WDR70: variants seen among roughly 807,000 people sequenced by gnomAD.
WDR70 encodes the protein WD repeat domain 70.
In WDR70, 53 loss-of-function variants were observed where a neutral mutation model predicts 88.6. The ratio of observed to expected loss-of-function variants is 0.60; its 90% CI spans 0.48 to 0.75. The LOEUF is 0.75. WDR70 is among the 30% of genes least tolerant of loss of function. The pLI is 0.00. For synonymous variants in WDR70, 280 were observed against 270.0 expected (o/e 1.04, Z -0.36); for missense variants, 610 against 823.2 (o/e 0.74, Z 3.17).
At chr5:37,379,843 G>A (rs938981788) in intron 2 of WDR70, among the ~76,000 whole-genome samples, 1 of 152,166 alleles carries the variant, frequency 6.6e-6, no homozygotes, top group African/African-American at 2.4e-5. Context: ...GCATTTGTAC[G>A]AGGATTTTTA....
At chr5:37,705,365 A>G (rs10473063) in intron 13 of WDR70, among the ~76,000 whole-genome samples, 122,809 of 151,998 alleles carry the variant, frequency 0.81, 50,149 homozygotes, top group East Asian at 0.89. Flanking sequence ...AATAAATAGA[A>G]CATACAATAT....
At chr5:37,488,516 TGTCTAACTGGACTG>T (rs1739964522) in intron 8 of WDR70, among the ~76,000 whole-genome samples, 2 of 151,012 alleles carry the variant, frequency 1.3e-5, no homozygotes. Flanking sequence ...TTTTTTTTTT[TGTCTAACTGGACTG>T]TTTGGAAAGA....
chr5:37,385,781 A>G (rs1446769699), intron 3 of WDR70, among the ~76,000 whole-genome samples: 1 of 151,106 alleles, frequency 6.6e-6, no homozygotes, highest in Non-Finnish European at 1.5e-5. Context: ...GCTCTGTGGC[A>G]GGAACCTGAA....
At position 37,655,090 on chromosome 5, in the gene WDR70, T is replaced by C. The variant is rs190497311; in HGVS notation, c.1093-42565T>C. On this transcript the variant is annotated intron_variant, in intron 10 of 17. Transcript: ENST00000265107. ...GTTTTTGCAGTGGCTGGTACTGGTT[T>C]TTCCTTTCTGTATTTATTCTTCCTT... Among the ~76,000 whole-genome samples, 561 of 152,320 alleles carry C rather than the reference T, an allele frequency of 3.7e-3. 3 individuals are homozygous for C. Among genetic ancestry groups the C allele is most frequent in the South Asian group, 6.2e-3 (30 of 4,826 alleles).
chr5:37,702,925 C>G lies in WDR70; in HGVS notation c.1278-24C>G. 5 of 1,594,732 alleles carry G rather than the reference C, an allele frequency of 3.1e-6. No homozygotes were observed. The South Asian group carries it at 3.3e-5, about 11-fold the overall frequency. On this transcript the variant is annotated intron_variant, in intron 12 of 17. Transcript: ENST00000265107. ...CTGTTGTGGAGGTCATAAGCTTATA[C>G]TCGTAAACTCTTTTTTTCTGTAGGA...
intron 17 of WDR70, among the ~76,000 whole-genome samples, chr5:37,749,584 G>A (rs985054493): frequency 6.6e-5 from 10 of 152,064 alleles, no homozygotes; most frequent in African/African-American, 2.2e-4. Context: ...TTATGCATAC[G>A]TATAATGTGG....
intron 10 of WDR70, among the ~76,000 whole-genome samples, chr5:37,652,671 G>C (rs1745442055): frequency 6.6e-6 from 1 of 152,064 alleles, no homozygotes; most frequent in Non-Finnish European, 1.5e-5. Context: ...TTGTAAGTTG[G>C]ATTCCTAGGT....
intron 5 of WDR70, among the ~76,000 whole-genome samples, chr5:37,397,949 T>C (rs1292185005): frequency 6.7e-6 from 1 of 148,980 alleles, no homozygotes; most frequent in Admixed American, 6.7e-5. Context: ...TGAGCCGAGA[T>C]TGCACCACTG....
At chr5:37,697,052 G>A (rs986029501) in intron 10 of WDR70, among the ~76,000 whole-genome samples, 9 of 152,164 alleles carry the variant, frequency 5.9e-5, no homozygotes, top group African/African-American at 1.4e-4. Flanking sequence ...ATAAAATGGA[G>A]ATGATAATAA....
chr5:37,616,769 G>A (rs1744356163), intron 10 of WDR70, among the ~76,000 whole-genome samples: 1 of 152,190 alleles, frequency 6.6e-6, no homozygotes, highest in Admixed American at 6.5e-5. Flanking sequence ...CTGTGCCCAA[G>A]ATGAGCATGA....
At chr5:37,399,424 A>G (rs991375201) in intron 5 of WDR70, among the ~76,000 whole-genome samples, 4 of 152,212 alleles carry the variant, frequency 2.6e-5, no homozygotes, top group Admixed American at 2.6e-4. Context: ...TGTCTCAAAA[A>G]AAAATTTTTT....
intron 10 of WDR70, among the ~76,000 whole-genome samples, chr5:37,629,691 T>G (rs1012728531): frequency 1.6e-4 from 25 of 152,212 alleles, no homozygotes; most frequent in Non-Finnish European, 1.5e-5. Context: ...TTTCCTGATT[T>G]TGTTGAATTG....
intron 7 of WDR70, among the ~76,000 whole-genome samples, chr5:37,447,594 A>G (rs530398186): frequency 3.9e-5 from 6 of 152,324 alleles, no homozygotes; most frequent in Admixed American, 1.3e-4. Flanking sequence ...ACACCATGGA[A>G]TACTATGCAG....
intron 16 of WDR70, among the ~76,000 whole-genome samples, chr5:37,725,602 T>A (rs1747947219): frequency 1.3e-5 from 2 of 152,144 alleles, no homozygotes; most frequent in Admixed American, 1.3e-4. Flanking sequence ...TTTTCTGTTA[T>A]CATCTGTGTA....
At chr5:37,605,019 T>C (rs761412197) in intron 9 of WDR70, 45 bp from the exon 10 acceptor site, 1 of 1,459,204 alleles carries the variant, frequency 6.9e-7, no homozygotes, top group Non-Finnish European at 9.1e-7. Context: ...CCCCCCTCCT[T>C]CTTTTTTTTT....
intron 9 of WDR70, among the ~76,000 whole-genome samples, chr5:37,592,786 A>G (rs1340507779): frequency 6.6e-6 from 1 of 152,242 alleles, no homozygotes; most frequent in Non-Finnish European, 1.5e-5. Context: ...GCAATAAGAC[A>G]AATAAATGAA....
At chr5:37,416,035 C>G (rs11958622) in intron 5 of WDR70, among the ~76,000 whole-genome samples, 4 of 151,354 alleles carry the variant, frequency 2.6e-5, no homozygotes, top group Non-Finnish European at 4.4e-5. Context: ...GACTGGGCAG[C>G]CAGGCAGAGG....
chr5:37,606,033 G>A (rs1172167491), intron 10 of WDR70, among the ~76,000 whole-genome samples: 1 of 152,110 alleles, frequency 6.6e-6, no homozygotes, highest in Non-Finnish European at 1.5e-5. Flanking sequence ...CTATAAACTA[G>A]GCACTGTTCT....
chr5:37,720,407 A>G (rs1000590944), intron 13 of WDR70, among the ~76,000 whole-genome samples: 2 of 152,122 alleles, frequency 1.3e-5, no homozygotes, highest in African/African-American at 4.8e-5. Flanking sequence ...AAAATTAAAA[A>G]CAGGTTATAG....
Sources: allele counts gnomAD v4.1 joint callset (sites outside exome capture counted in the v4.1 genomes callset), GRCh38; gene constraint gnomAD v4.1.1; transcripts MANE v1.5; gene names NCBI Gene and HGNC (gene_info 2026-07-23, HGNC 2026-07-21).